TPRG1: variants seen among roughly 807,000 people sequenced by gnomAD.
TPRG1 encodes the protein tumor protein p63-regulated gene 1 protein.
A neutral mutation model predicts 29.3 loss-of-function variants in TPRG1; 29 were observed. The ratio of observed to expected loss-of-function variants is 0.99; its 90% CI spans 0.74 to 1.35. TPRG1 has a LOEUF of 1.35. TPRG1 is among the 40% of genes most tolerant of loss of function. TPRG1 has a pLI of 0.00. For synonymous variants in TPRG1, 130 were observed against 116.8 expected (o/e 1.11, Z -0.73); for missense variants, 327 against 335.0 (o/e 0.98, Z 0.19).
chr3:189,145,376 T>C (rs13063630), intron 3 of TPRG1, among the ~76,000 whole-genome samples: 37,907 of 134,004 alleles, frequency 0.28, 6,498 homozygotes, highest in South Asian at 0.38. Flanking sequence ...AAAAAAAACA[T>C]GCCAAACTAA....
In TPRG1 at chr3:189,022,679, C is replaced by T. The variant is rs192622438; in HGVS notation, c.-659-1071C>T. 2.7e-3 allele frequency among the ~76,000 whole-genome samples: 413 copies of T among 152,262 alleles called. 2 individuals are homozygous for T. The highest frequency in any genetic ancestry group is 4.6e-3 in the Non-Finnish European group (314 of 68,004). On this transcript the variant is annotated intron_variant, in intron 3 of 10. Coordinates refer to the TPRG1 transcript ENST00000433971. Reference sequence around the variant, plus strand: ...TTAAGTCTGCAGAGGTTACTGCTGTCTTTTTGTCTATGCCCTGCCCCCAGA... The same window carrying T: ...TTAAGTCTGCAGAGGTTACTGCTGTTTTTTTGTCTATGCCCTGCCCCCAGA...
chr3:189,220,527 A>G (rs1300080418), intron 3 of TPRG1, among the ~76,000 whole-genome samples: 2 of 152,130 alleles, frequency 1.3e-5, no homozygotes, highest in African/African-American at 2.4e-5. Context: ...AGGTTATTCA[A>G]TCACACAGGT....
At chr3:189,005,385 T>C (rs960157411) in intron 3 of TPRG1, among the ~76,000 whole-genome samples, 2 of 152,104 alleles carry the variant, frequency 1.3e-5, no homozygotes, top group Non-Finnish European at 2.9e-5. Context: ...GAATGAGCTA[T>C]CTCCACATCA....
Sources: gnomAD v4.1 joint callset for allele counts (sites outside exome capture counted in the v4.1 genomes callset) on GRCh38, gnomAD v4.1.1 for gene constraint, MANE v1.5 for transcripts, NCBI Gene and HGNC (gene_info 2026-07-23, HGNC 2026-07-21) for gene names.